ASH1L: variants seen among roughly 807,000 people sequenced by gnomAD.
The protein encoded by ASH1L is ASH1 like histone lysine methyltransferase.
In ASH1L, 23 loss-of-function variants were observed where a neutral mutation model predicts 269.0. That is an observed-to-expected ratio of 0.09 (90% CI 0.06 to 0.12). ASH1L has a LOEUF of 0.12. ASH1L is among the 10% of genes least tolerant of loss of function. The probability of loss-of-function intolerance (pLI) is 1.00; values close to 1 mark genes in which losing one functional copy is unlikely to be tolerated. For synonymous variants in ASH1L, 1,187 were observed against 1,253.5 expected (o/e 0.95, Z 1.12); for missense variants, 2,912 against 3,567.8 (o/e 0.82, Z 4.68).
In ASH1L at chr1:155,562,216, T is replaced by C. The variant is rs772292049; in HGVS notation, c.-163A>G. 1.2e-6 allele frequency: 2 copies of C among 1,606,288 alleles called. No individual in the cohort carries two copies. Among genetic ancestry groups the C allele is most frequent in the Non-Finnish European group, 1.7e-6 (2 of 1,174,972 alleles). On this transcript the variant is annotated 5_prime_UTR_variant, in exon 1 of 28. Transcript: ENST00000392403. Reference sequence around the variant, plus strand: ...GTGCAGGGAAGTGGGGAAGAGGGGGTGGCCGCCAGGCTCCTCCGCTTCCCT... The same window carrying C: ...GTGCAGGGAAGTGGGGAAGAGGGGGCGGCCGCCAGGCTCCTCCGCTTCCCT...
chr1:155,412,762 CCCAACCTATAGGATCTGACCCTATATCCA>C (rs1434677794), intron 6 of ASH1L, among the ~76,000 whole-genome samples: 1 of 152,044 alleles, frequency 6.6e-6, no homozygotes, highest in African/African-American at 2.4e-5. Context: ...GAACTGAGCA[CCCAACCTATAGGATCTGACCCTATATCCA>C]GGAAAACAGT....
At chr1:155,375,213 G>C (rs570944233) in intron 10 of ASH1L, among the ~76,000 whole-genome samples, 1 of 152,290 alleles carries the variant, frequency 6.6e-6, no homozygotes, top group Non-Finnish European at 1.5e-5. Flanking sequence ...TCAGATAAGA[G>C]AGATTTAAAT....
chr1:155,438,416 C>T lies in ASH1L; in HGVS notation c.5739G>A (p.Gly1913=). The T allele has an allele frequency of 6.2e-7, 1 of 1,612,996 alleles. No individual in the cohort carries two copies. The highest frequency in any genetic ancestry group is 8.5e-7 in the Non-Finnish European group (1 of 1,179,738). The change falls in exon 5 of 28, where the codon GGG becomes GGA. Residue 1913 remains glycine, a synonymous_variant. Coordinates refer to ENST00000392403, the MANE Select transcript of ASH1L (RefSeq NM_018489.3). ...SVNLNPEHKK[G]LKRKGWLLEE... ...CCAATAGCCAACCTTTTCTCTTCAA[C>T]CCCTTTTTATGTTCTGGGTTCAGAT...
chr1:155,369,770 T>C (rs564592322), intron 12 of ASH1L, among the ~76,000 whole-genome samples: 26 of 152,146 alleles, frequency 1.7e-4, no homozygotes, highest in African/African-American at 6.0e-4. Context: ...AAATATTAGG[T>C]ATTATTATTA....
At chr1:155,370,402 G>A (rs1655838423) in intron 12 of ASH1L, 102 bp downstream of exon 12, 3 of 1,488,782 alleles carry the variant, frequency 2.0e-6, no homozygotes, top group East Asian at 4.5e-5. Context: ...AACAGCCTGA[G>A]CTGCTTTGTG....
At chr1:155,399,385 G>A (rs1293018326) in intron 6 of ASH1L, among the ~76,000 whole-genome samples, 2 of 150,250 alleles carry the variant, frequency 1.3e-5, no homozygotes. Flanking sequence ...ATCCAAGCAT[G>A]TAATCCAAGC....
At chr1:155,375,548 A>T (rs1308304370) in intron 10 of ASH1L, among the ~76,000 whole-genome samples, 1 of 152,104 alleles carries the variant, frequency 6.6e-6, no homozygotes, top group South Asian at 2.1e-4. Context: ...GCACTTTGGG[A>T]GGCTGAGGCA....
intron 1 of ASH1L, among the ~76,000 whole-genome samples, chr1:155,523,728 G>A (rs1669043000): frequency 1.3e-5 from 2 of 152,100 alleles, no homozygotes; most frequent in African/African-American, 2.4e-5. Flanking sequence ...AAAATCAGCT[G>A]AGTGTGGTGG....
chr1:155,473,787 A>G (rs1665307631), intron 3 of ASH1L, among the ~76,000 whole-genome samples: 1 of 152,116 alleles, frequency 6.6e-6, no homozygotes, highest in South Asian at 2.1e-4. Context: ...GGCATTAGCC[A>G]CCATTCCCAG....
intron 2 of ASH1L, among the ~76,000 whole-genome samples, chr1:155,490,877 G>C (rs1309571093): frequency 6.7e-6 from 1 of 149,628 alleles, no homozygotes; most frequent in East Asian, 2.0e-4. Context: ...GTGGAGAATG[G>C]CTTGAGCCAG....
chr1:155,337,968 A>T (rs986120180), intron 27 of ASH1L, 121 bp downstream of exon 27: 2 of 1,166,716 alleles, frequency 1.7e-6, no homozygotes, highest in African/African-American at 3.1e-5. Flanking sequence ...GCAAGCCTAT[A>T]AAAGAACTAT....
At chr1:155,535,448 T>G (rs1381779763) in intron 1 of ASH1L, among the ~76,000 whole-genome samples, 1 of 151,986 alleles carries the variant, frequency 6.6e-6, no homozygotes, top group African/African-American at 2.4e-5. Context: ...CTAGAGACTT[T>G]TTATTTCTAA....
rs1667732989 is a variant in ASH1L at position 155,505,141 on chromosome 1, T to C, written c.420+15959A>G. ...TCATTATTTATATTTTCTTACTATT[T>C]ACCTACAGTAAAGAACTGTCAAATT... On this transcript the variant is annotated intron_variant, in intron 2 of 27. Coordinates refer to ENST00000392403, the MANE Select transcript of ASH1L (RefSeq NM_018489.3). Among the ~76,000 whole-genome samples the C allele has an allele frequency of 2.0e-5, 3 of 152,212 alleles. No individual in the cohort carries two copies. The South Asian group carries it at 6.2e-4, about 31-fold the overall frequency.
At chr1:155,379,048 G>A (rs1025901474) in intron 8 of ASH1L, among the ~76,000 whole-genome samples, 4 of 151,362 alleles carry the variant, frequency 2.6e-5, no homozygotes, top group African/African-American at 9.7e-5. Flanking sequence ...AGGAGAGAGG[G>A]CAGGCAGGCA....
intron 19 of ASH1L, among the ~76,000 whole-genome samples, chr1:155,348,449 T>C (rs2148338953): frequency 6.6e-6 from 1 of 152,162 alleles, no homozygotes; most frequent in South Asian, 2.1e-4. Context: ...CATGTCAAAA[T>C]TACTGAATAA....
Position 155,479,133 on chromosome 1 carries a change from T to C in ASH1L, c.3737A>G (p.Glu1246Gly), listed in dbSNP as rs1665775167. 2 of 1,614,022 alleles carry C rather than the reference T, an allele frequency of 1.2e-6. No individual in the cohort carries two copies. The highest frequency in any genetic ancestry group is 1.7e-6 in the Non-Finnish European group (2 of 1,180,004). Reference sequence around the variant, plus strand: ...GCGCTTACATTTGTGTTTATGTTTTTCTTTAAGACTGCTTAGCACTGTAGA... The same window carrying C: ...GCGCTTACATTTGTGTTTATGTTTTCCTTTAAGACTGCTTAGCACTGTAGA... The part of the protein sequence containing the change: ...ETSTVLSSLK[E>G]KHKHKCKRRN... The change falls in exon 3 of 28, where the codon GAA becomes GGA. Residue 1246 changes from glutamate to glycine, a missense_variant. Transcript: ENST00000392403.
chr1:155,406,570 G>A (rs1659309249), intron 6 of ASH1L, among the ~76,000 whole-genome samples: 1 of 152,154 alleles, frequency 6.6e-6, no homozygotes, highest in Admixed American at 6.6e-5. Context: ...TGGGTGTGGT[G>A]GTGAATGCCT....
intron 1 of ASH1L, among the ~76,000 whole-genome samples, chr1:155,554,939 T>C (rs1172577286): frequency 2.0e-5 from 3 of 151,784 alleles, no homozygotes; most frequent in Admixed American, 1.3e-4. Flanking sequence ...GGTCAGAAGT[T>C]AGAGATCAGC....
upstream of ASH1L, chr1:155,562,998 A>T: frequency 2.2e-6 from 1 of 456,190 alleles, no homozygotes; most frequent in Non-Finnish European, 4.4e-6. Flanking sequence ...AGAGGAAGGG[A>T]CGGGCCGAGC....
Sources: allele counts gnomAD v4.1 joint callset (sites outside exome capture counted in the v4.1 genomes callset), GRCh38; gene constraint gnomAD v4.1.1; transcripts MANE v1.5; gene names NCBI Gene and HGNC (gene_info 2026-07-23, HGNC 2026-07-21).